The following RPS6KC1 variants were observed in gnomAD, a reference collection of about 807,000 sequenced individuals.
RPS6KC1 encodes the protein inactive ribosomal protein S6 kinase delta-1.
Under a neutral mutation model 103.8 loss-of-function variants are expected in RPS6KC1, and 54 were observed. The observed-to-expected ratio is 0.52, with a 90% CI of 0.42 to 0.65. The LOEUF (loss-of-function observed/expected upper bound fraction) is 0.65. RPS6KC1 is among the 30% of genes least tolerant of loss of function. The pLI is 0.00. For synonymous variants in RPS6KC1, 439 were observed against 438.7 expected (o/e 1.00, Z -0.01); for missense variants, 1,151 against 1,253.8 (o/e 0.92, Z 1.24).
intron 3 of RPS6KC1, among the ~76,000 whole-genome samples, chr1:213,081,552 C>T (rs1052328538): frequency 1.3e-5 from 2 of 152,076 alleles, no homozygotes; most frequent in African/African-American, 4.8e-5. Flanking sequence ...TAGCACCTTC[C>T]CAGATTGTAC....
the RPS6KC1 span, chr1:213,819,114 T>A: frequency 3.9e-5 from 6 of 152,186 alleles, no homozygotes; most frequent in Non-Finnish European, 8.8e-5. Context: ...AAAATACAAG[T>A]ATCCTTCCTG....
chr1:213,246,687 C>T (rs2094459234), intron 12 of RPS6KC1, among the ~76,000 whole-genome samples: 1 of 151,600 alleles, frequency 6.6e-6, no homozygotes. Flanking sequence ...CTTTTTTTTA[C>T]TACTTTTTTT....
At chr1:213,560,512 C>T in the RPS6KC1 span, among the ~76,000 whole-genome samples, 18 of 152,086 alleles carry the variant, frequency 1.2e-4, no homozygotes, top group Non-Finnish European at 2.1e-4. Flanking sequence ...TATACAATCA[C>T]GAGGAATTAA....
the RPS6KC1 span, among the ~76,000 whole-genome samples, chr1:213,284,998 G>T: frequency 6.6e-6 from 1 of 152,214 alleles, no homozygotes; most frequent in Non-Finnish European, 1.5e-5. Flanking sequence ...GGCACATGTG[G>T]TTATCAACAT....
chr1:213,606,214 G>A, the RPS6KC1 span, among the ~76,000 whole-genome samples: 1 of 152,190 alleles, frequency 6.6e-6, no homozygotes, highest in Non-Finnish European at 1.5e-5. Flanking sequence ...GGAAGCCATG[G>A]AGGGTGGGTG....
the RPS6KC1 span, among the ~76,000 whole-genome samples, chr1:213,487,514 A>G: frequency 4.3e-4 from 66 of 152,034 alleles, no homozygotes; most frequent in Non-Finnish European, 6.2e-4. Context: ...TTTAAGGCCC[A>G]AGAATGATGA....
the RPS6KC1 span, among the ~76,000 whole-genome samples, chr1:213,450,504 T>A: frequency 3.3e-5 from 5 of 152,280 alleles, no homozygotes; most frequent in East Asian, 9.7e-4. Flanking sequence ...TGTGGGTGCC[T>A]GTGGTGGCTT....
intron 12 of RPS6KC1, among the ~76,000 whole-genome samples, chr1:213,250,313 T>C (rs1558632720): frequency 6.6e-6 from 1 of 152,216 alleles, no homozygotes; most frequent in East Asian, 1.9e-4. Context: ...TGGTCTTCTC[T>C]GGATAATACG....
At chr1:213,531,354 G>T in the RPS6KC1 span, among the ~76,000 whole-genome samples, 1 of 152,212 alleles carries the variant, frequency 6.6e-6, no homozygotes, top group Non-Finnish European at 1.5e-5. Context: ...AGACAGGACA[G>T]GAGAGGAAAC....
chr1:213,298,923 A>G, the RPS6KC1 span, among the ~76,000 whole-genome samples: 1 of 152,066 alleles, frequency 6.6e-6, no homozygotes, highest in African/African-American at 2.4e-5. Context: ...TTGTTCATGA[A>G]CTTTCAACCT....
chr1:213,423,529 G>T, the RPS6KC1 span, among the ~76,000 whole-genome samples: 2 of 152,198 alleles, frequency 1.3e-5, no homozygotes, highest in Non-Finnish European at 2.9e-5. Context: ...GTGGCTTTGG[G>T]GGGTGAGGAT....
At position 213,076,596 on chromosome 1, in the gene RPS6KC1, ATCC is replaced by A. The variant is rs141839562; in HGVS notation, c.142-1098_142-1096del. Among the ~76,000 whole-genome samples, 440 of 151,946 alleles carry A rather than the reference ATCC, an allele frequency of 2.9e-3. 2 individuals are homozygous for A. The highest frequency in any genetic ancestry group is 0.012 in the South Asian group (57 of 4,820). On this transcript the variant is annotated intron_variant, in intron 2 of 14. Coordinates refer to ENST00000366960, the MANE Select transcript of RPS6KC1 (RefSeq NM_012424.6). ...CTGTGATATCAAGGCCATGTTTCAA[ATCC>A]TTTTTCTTTACAAAGTGGTTTTTTT...
the RPS6KC1 span, among the ~76,000 whole-genome samples, chr1:213,510,155 C>G: frequency 7.8e-4 from 119 of 152,254 alleles, no homozygotes; most frequent in Middle Eastern, 0.01. Flanking sequence ...GCACAGCAGC[C>G]AAAGTAGGGG....
At chr1:213,079,425 T>C (rs1362606848) in intron 3 of RPS6KC1, among the ~76,000 whole-genome samples, 3 of 152,124 alleles carry the variant, frequency 2.0e-5, no homozygotes, top group East Asian at 3.8e-4. Context: ...TAAATTATTA[T>C]TATTATTTTT....
the RPS6KC1 span, among the ~76,000 whole-genome samples, chr1:213,678,523 C>T: frequency 6.6e-6 from 1 of 152,208 alleles, no homozygotes; most frequent in Non-Finnish European, 1.5e-5. Flanking sequence ...AGAGGCTCCC[C>T]AGAGGGCAGC....
the RPS6KC1 span, among the ~76,000 whole-genome samples, chr1:213,719,667 G>T: frequency 4.3e-4 from 65 of 152,290 alleles, no homozygotes; most frequent in East Asian, 0.011. Context: ...TGCAGGCATG[G>T]AAGGATGTGG....
At chr1:213,778,363 G>A in the RPS6KC1 span, among the ~76,000 whole-genome samples, 3 of 152,114 alleles carry the variant, frequency 2.0e-5, no homozygotes, top group African/African-American at 7.2e-5. Flanking sequence ...TTTACTGCAA[G>A]GCCAGGTTTT....
the RPS6KC1 span, among the ~76,000 whole-genome samples, chr1:213,698,686 T>C: frequency 6.6e-6 from 1 of 152,088 alleles, no homozygotes; most frequent in East Asian, 1.9e-4. Context: ...CTTCAGAAAA[T>C]ATTTTGCCCC....
At chr1:213,688,015 C>T in the RPS6KC1 span, among the ~76,000 whole-genome samples, 2 of 152,184 alleles carry the variant, frequency 1.3e-5, no homozygotes, top group South Asian at 4.1e-4. Flanking sequence ...TGACCACTCT[C>T]AGATTACTCT....
Sources: gnomAD v4.1 joint callset for allele counts (sites outside exome capture counted in the v4.1 genomes callset) on GRCh38, gnomAD v4.1.1 for gene constraint, MANE v1.5 for transcripts, NCBI Gene and HGNC (gene_info 2026-07-23, HGNC 2026-07-21) for gene names.